The following FBN3 variants were observed in gnomAD, a reference collection of about 807,000 sequenced individuals.
The protein encoded by FBN3 is fibrillin 3.
In FBN3, 234 loss-of-function variants were observed where a neutral mutation model predicts 330.1. The ratio of observed to expected loss-of-function variants is 0.71; its 90% CI spans 0.64 to 0.79. The LOEUF is 0.79. Among genes scored for constraint, FBN3 ranks in the 30% least tolerant of loss-of-function variants. The probability of loss-of-function intolerance (pLI) is 0.00; values close to 1 mark genes in which losing one functional copy is unlikely to be tolerated. For missense variants in FBN3, 3,606 were observed against 3,886.9 expected, an observed-to-expected ratio of 0.93 and a Z score of 1.92; for synonymous variants, 1,458 against 1,517.3, an observed-to-expected ratio of 0.96 and a Z score of 0.91.
At chr19:8,140,270 C>T (rs2083381537) in intron 8 of FBN3, among the ~76,000 whole-genome samples, 1 of 152,200 alleles carries the variant, frequency 6.6e-6, no homozygotes, top group Admixed American at 6.5e-5. Context: ...TTGAGACCAG[C>T]CTGGCCAACA....
intron 30 of FBN3, among the ~76,000 whole-genome samples, chr19:8,113,741 G>A (rs184417361): frequency 4.0e-5 from 6 of 150,084 alleles, no homozygotes; most frequent in Admixed American, 1.3e-4. Context: ...GCAGTGACTC[G>A]TGCCTGTAAT....
At chr19:8,111,368 A>C (rs1035539058) in intron 32 of FBN3, among the ~76,000 whole-genome samples, 185 bp from the exon 33 acceptor site, 2 of 151,754 alleles carry the variant, frequency 1.3e-5, no homozygotes, top group African/African-American at 2.4e-5. Flanking sequence ...GGGAGGGGAG[A>C]GGTGGTCTGG....
At chr19:8,087,598 A>ATTTTTTTTTTTTTTTTTTTTTTT (rs35631767) in intron 53 of FBN3, among the ~76,000 whole-genome samples, 1 of 75,454 alleles carries the variant, frequency 1.3e-5, no homozygotes. Flanking sequence ...GCATTGCAGG[A>ATTTTTTTTTTTTTTTTTTTTTTT]TTTTTTTTTT....
chr19:8,089,335 G>C (rs2082040222), intron 51 of FBN3, among the ~76,000 whole-genome samples: 1 of 152,190 alleles, frequency 6.6e-6, no homozygotes, highest in Non-Finnish European at 1.5e-5. Context: ...ATGAATAAGT[G>C]AGTGAGTGAA....
intron 8 of FBN3, among the ~76,000 whole-genome samples, chr19:8,139,674 C>CAAA (rs933695187): frequency 2.2e-4 from 33 of 152,102 alleles, no homozygotes; most frequent in African/African-American, 7.5e-4. Context: ...GTGACTGAGG[C>CAAA]AGACAGGCTC....
At chr19:8,093,846 G>A (rs77571385) in intron 47 of FBN3, among the ~76,000 whole-genome samples, 6,508 of 152,216 alleles carry the variant, frequency 0.043, 479 homozygotes, top group African/African-American at 0.15. Flanking sequence ...ACTGGTCCAC[G>A]TTAGCTCAGG....
intron 59 of FBN3, among the ~76,000 whole-genome samples, chr19:8,077,652 G>A: frequency 6.6e-6 from 1 of 150,572 alleles, no homozygotes; most frequent in East Asian, 2.0e-4. Context: ...AAACAAAAAC[G>A]AGCAAACAAA....
intron 34 of FBN3, among the ~76,000 whole-genome samples, chr19:8,110,504 C>A (rs1476299810): frequency 6.6e-6 from 1 of 152,194 alleles, no homozygotes; most frequent in Non-Finnish European, 1.5e-5. Context: ...CTTGTGGCTG[C>A]TTTTGAGCTA....
rs1020610790 is a variant in FBN3, at chr19:8,096,141, G to C, written c.5540-61C>G. The C allele has an allele frequency of 1.1e-5, 14 of 1,290,640 alleles. No homozygotes were observed. The highest frequency in any genetic ancestry group is 1.7e-5 in the Admixed American group (1 of 59,516). 79.9% of individuals were successfully genotyped at this position (1,290,640 alleles called of 1,614,324 possible). ...CCCAGGGCATTGGGGAACTTGGGGA[G>C]TGAGAGGCCAGCTGGACCTAGCACT... On this transcript the variant is annotated intron_variant, in intron 44 of 63. Transcript: ENST00000600128. This position sits in a 1 kb window ranked among gnomAD's most constrained non-coding sequence, Gnocchi z 4.6.
intron 59 of FBN3, among the ~76,000 whole-genome samples, chr19:8,080,676 T>A (rs1365626328): frequency 6.6e-6 from 1 of 152,122 alleles, no homozygotes. Flanking sequence ...TGGAGTGCAG[T>A]GGCATGATCT....
Position 8,131,405 on chromosome 19 carries a change from C to T in FBN3, c.1991-117G>A, listed in dbSNP as rs1193952333. On this transcript the variant is annotated intron_variant, in intron 15 of 63. Transcript: ENST00000600128. The surrounding 1 kb of genome is among the most constrained non-coding windows in gnomAD (Gnocchi z 4.5). ...GCAAGAGTTTGGGACTAAGACACAA[C>T]TCCAACCCCGGGGAGGGAGCAACTC... The T allele has an allele frequency of 6.8e-7, 1 of 1,464,420 alleles. No homozygotes were observed. The highest frequency in any genetic ancestry group is 9.4e-7 in the Non-Finnish European group (1 of 1,064,952). 90.7% of individuals were successfully genotyped at this position (1,464,420 alleles called of 1,614,324 possible). A position where few individuals can be genotyped will look rare whatever the true frequency, so the allele number is the denominator to read the frequency against.
At position 8,123,804 on chromosome 19, in the gene FBN3, G is replaced by A. The variant is rs1460620120; in HGVS notation, c.2936C>T (p.Ser979Phe). The change falls in exon 23 of 64, where the codon TCT becomes TTT. Residue 979 changes from serine (S) to phenylalanine (F), a missense_variant. Transcript: ENST00000600128. ...CGCACCTTTATAGAATGGTCGGCCAGACAGGAAGTCCCGGCTGGCGAAGCC... is the reference window on the plus strand; with the variant it reads ...CGCACCTTTATAGAATGGTCGGCCAAACAGGAAGTCCCGGCTGGCGAAGCC... ...GLGFASRDFL[S>F]GRPFYKDVNE... 2 of 1,613,400 alleles carry A rather than the reference G, an allele frequency of 1.2e-6. No individual in the cohort carries two copies. Among genetic ancestry groups the A allele is most frequent in the African/African-American group, 1.3e-5 (1 of 75,038 alleles).
In FBN3 at chr19:8,123,504, C is replaced by A. The variant is rs752918342; in HGVS notation, c.3042G>T (p.Ala1014=). ...CCTGGGCATCCAGGGCGAAGCCCCC[C>A]GCACAGGCGCAGTGGAAGCTGCCCA... ...NTVGSFHCAC[A]GGFALDAQER... The change falls in exon 24 of 64, where the codon GCG becomes GCT. Residue 1014 remains alanine (A), a synonymous_variant. Transcript: ENST00000600128. The A allele has an allele frequency of 4.3e-6, 7 of 1,613,976 alleles. No individual in the cohort carries two copies. The African/African-American group carries it at 6.7e-5, about 15-fold the overall frequency.
intron 25 of FBN3, among the ~76,000 whole-genome samples, chr19:8,120,525 G>C (rs1056362411): frequency 5.9e-5 from 9 of 151,500 alleles, no homozygotes; most frequent in Non-Finnish European, 8.8e-5. Flanking sequence ...GTCTCACTCT[G>C]TCACCCAGGC....
chr19:8,115,472 C>A (rs755348880), intron 30 of FBN3, 43 bp downstream of exon 30: 2 of 1,605,462 alleles, frequency 1.2e-6, no homozygotes, highest in African/African-American at 2.7e-5. Context: ...CCAAAATGGC[C>A]CCGGGGAGTC....
chr19:8,117,178 C>T lies in FBN3; in HGVS notation c.3577G>A (p.Ala1193Thr), dbSNP rs147529451. The T allele has an allele frequency of 6.3e-5, 101 of 1,614,090 alleles. No individual in the cohort carries two copies. In the African/African-American group the frequency reaches 9.5e-4, roughly 15 times the overall value. ...AGTTGTGCCCACCTACCTGCACATG[C>T]CCTTCCGTCGGGCATCAGCGAGTAG... ...QGYSLMPDGR[A>T]CADVDECEEN... The change falls in exon 28 of 64, where the codon GCA becomes ACA. Residue 1193 changes from alanine (A) to threonine (T), a missense_variant. Transcript: ENST00000600128.
chr19:8,077,547 G>T (rs1324492727), intron 59 of FBN3, among the ~76,000 whole-genome samples: 1 of 152,170 alleles, frequency 6.6e-6, no homozygotes, highest in Non-Finnish European at 1.5e-5. Context: ...GCTGAGGTGG[G>T]AGAATCGTTT....
chr19:8,146,342 C>A (rs996320469), intron 3 of FBN3, 117 bp from the exon 4 acceptor site: 134 of 820,940 alleles, frequency 1.6e-4, no homozygotes, highest in Non-Finnish European at 1.1e-4. Context: ...ATCTGCATCC[C>A]CGGCTCTGCT....
intron 34 of FBN3, among the ~76,000 whole-genome samples, chr19:8,110,572 A>C (rs2082554906): frequency 6.6e-6 from 1 of 152,174 alleles, no homozygotes; most frequent in Admixed American, 6.6e-5. Context: ...CAAAGCCAAA[A>C]ATATTTACCA....
Sources: gnomAD v4.1 joint callset for allele counts (sites outside exome capture counted in the v4.1 genomes callset) on GRCh38, gnomAD v4.1.1 for gene constraint, Gnocchi (gnomAD v3.1) non-coding constraint, MANE v1.5 for transcripts, NCBI Gene and HGNC (gene_info 2026-07-23, HGNC 2026-07-21) for gene names.